The following SEMA3A variants were observed in gnomAD, a reference collection of about 807,000 sequenced individuals.
SEMA3A encodes semaphorin-3A.
In SEMA3A, 29 loss-of-function variants were observed where a neutral mutation model predicts 97.9. That is an observed-to-expected ratio of 0.30 (90% CI 0.22 to 0.40). The LOEUF is 0.40. Among genes scored for constraint, SEMA3A ranks in the 10% least tolerant of loss-of-function variants. SEMA3A has a pLI of 1.00. For synonymous variants in SEMA3A, 321 were observed against 323.7 expected, an observed-to-expected ratio of 0.99 and a Z score of 0.09; for missense variants, 763 against 951.3, an observed-to-expected ratio of 0.80 and a Z score of 2.60.
chr7:83,977,889 C>T (rs536338437), intron 14 of SEMA3A, among the ~76,000 whole-genome samples: 2 of 150,974 alleles, frequency 1.3e-5, no homozygotes, highest in South Asian at 2.1e-4. Flanking sequence ...CTGCAAGCTC[C>T]GCCTCCCGGG....
chr7:84,168,472 C>T (rs1210688914), intron 1 of SEMA3A, among the ~76,000 whole-genome samples: 1 of 151,830 alleles, frequency 6.6e-6, no homozygotes, highest in Non-Finnish European at 1.5e-5. Context: ...TGAAAAACAG[C>T]TAGGTTTCTG....
intron 12 of SEMA3A, among the ~76,000 whole-genome samples, chr7:83,999,593 T>G (rs1289334316): frequency 1.3e-5 from 2 of 152,136 alleles, no homozygotes; most frequent in Admixed American, 1.3e-4. Flanking sequence ...ATTTTTATAG[T>G]GTTCATCTCT....
At chr7:84,125,078 C>T (rs1331969728) in intron 3 of SEMA3A, among the ~76,000 whole-genome samples, 1 of 151,984 alleles carries the variant, frequency 6.6e-6, no homozygotes, top group Non-Finnish European at 1.5e-5. Context: ...GTTTTCCTTT[C>T]ACTATATAAA....
intron 1 of SEMA3A, among the ~76,000 whole-genome samples, chr7:84,456,488 C>A (rs200675398): frequency 6.6e-6 from 1 of 151,628 alleles, no homozygotes; most frequent in Non-Finnish European, 1.5e-5. Context: ...TTTGAATGGG[C>A]CAGATATCAA....
chr7:84,303,940 A>G (rs1801090381), intron 3 of SEMA3A, among the ~76,000 whole-genome samples: 1 of 152,084 alleles, frequency 6.6e-6, no homozygotes, highest in African/African-American at 2.4e-5. Flanking sequence ...TAAGTTTGGG[A>G]GTATCCATCC....
intron 2 of SEMA3A, among the ~76,000 whole-genome samples, chr7:84,322,146 C>T (rs1443139221): frequency 3.3e-5 from 5 of 151,356 alleles, no homozygotes; most frequent in African/African-American, 4.8e-5. Flanking sequence ...GGGGGAAACT[C>T]CCCCCATGAT....
chr7:83,981,628 C>T, intron 13 of SEMA3A, 150 bp from the exon 14 acceptor site: 1 of 637,290 alleles, frequency 1.6e-6, no homozygotes. Flanking sequence ...CTTTAAAGGC[C>T]TTCTAGACAA....
rs1292495371 is a variant in SEMA3A, at chr7:84,376,404, C to T, written c.-245-4504G>A. ...GATCACGAGGTCAGGAGATCGAGACCATCCTGGCTAACACAGTGAAACCCC... is the reference window on the plus strand; with the variant it reads ...GATCACGAGGTCAGGAGATCGAGACTATCCTGGCTAACACAGTGAAACCCC... On this transcript the variant is annotated intron_variant, in intron 1 of 3. Coordinates refer to the SEMA3A transcript ENST00000424555. Among the ~76,000 whole-genome samples the T allele has an allele frequency of 3.4e-5, 4 of 116,678 alleles. 1 individual carries two copies. The highest frequency in any genetic ancestry group is 7.5e-5 in the Non-Finnish European group (4 of 53,562). 76.5% of individuals were successfully genotyped at this position (116,678 alleles called of 152,430 possible).
intron 12 of SEMA3A, among the ~76,000 whole-genome samples, chr7:83,996,042 A>G (rs1786240596): frequency 6.6e-6 from 1 of 152,204 alleles, no homozygotes; most frequent in South Asian, 2.1e-4. Context: ...TACATTCAAT[A>G]GAACTATAAA....
At chr7:84,467,126 G>A (rs1241812172) in intron 1 of SEMA3A, among the ~76,000 whole-genome samples, 2 of 151,780 alleles carry the variant, frequency 1.3e-5, no homozygotes, top group Non-Finnish European at 2.9e-5. Context: ...AACCCCATAA[G>A]AGAAAAAAAA....
At chr7:84,444,705 G>A (rs536448670) in intron 1 of SEMA3A, among the ~76,000 whole-genome samples, 1 of 152,008 alleles carries the variant, frequency 6.6e-6, no homozygotes, top group South Asian at 2.1e-4. Context: ...GGGACTACAG[G>A]TGCCCGCTAC....
At chr7:84,431,118 A>T (rs983813751) in intron 1 of SEMA3A, among the ~76,000 whole-genome samples, 1 of 152,014 alleles carries the variant, frequency 6.6e-6, no homozygotes, top group African/African-American at 2.4e-5. Context: ...GAAATTTAAC[A>T]TTGATTGCTA....
chr7:84,104,286 T>C (rs1795042401), intron 4 of SEMA3A, among the ~76,000 whole-genome samples: 1 of 152,124 alleles, frequency 6.6e-6, no homozygotes, highest in African/African-American at 2.4e-5. Flanking sequence ...CAATATGGCC[T>C]TATAAAAACT....
intron 1 of SEMA3A, among the ~76,000 whole-genome samples, chr7:84,480,319 G>A (rs1329104423): frequency 1.3e-5 from 2 of 152,044 alleles, no homozygotes; most frequent in African/African-American, 4.8e-5. Context: ...GGAAGGTAAG[G>A]GACTGAAGAG....
chr7:84,240,564 A>C (rs888602495), intron 3 of SEMA3A, among the ~76,000 whole-genome samples: 6 of 152,128 alleles, frequency 3.9e-5, no homozygotes, highest in African/African-American at 1.4e-4. Context: ...GAGGCAAGGA[A>C]GAGATTATCC....
At chr7:83,991,829 C>T (rs1789955130) in intron 12 of SEMA3A, among the ~76,000 whole-genome samples, 1 of 139,744 alleles carries the variant, frequency 7.2e-6, no homozygotes, top group Non-Finnish European at 1.5e-5. Flanking sequence ...ATGATGCTGG[C>T]CTCATAAAAT....
intron 1 of SEMA3A, among the ~76,000 whole-genome samples, chr7:84,139,733 C>T (rs138242538): frequency 6.6e-4 from 100 of 152,072 alleles, no homozygotes; most frequent in African/African-American, 2.2e-3. Context: ...GATGTAGTTT[C>T]ACAAAGTAGA....
At chr7:84,408,909 G>A (rs897727828) in intron 1 of SEMA3A, among the ~76,000 whole-genome samples, 2 of 151,904 alleles carry the variant, frequency 1.3e-5, no homozygotes, top group East Asian at 1.9e-4. Flanking sequence ...TTGGGGGAGC[G>A]GGGAGGGATC....
chr7:84,121,516 C>A (rs1052302839), intron 3 of SEMA3A, among the ~76,000 whole-genome samples: 4 of 151,270 alleles, frequency 2.6e-5, no homozygotes, highest in African/African-American at 9.7e-5. Context: ...CCAGCTTCAT[C>A]CATGTCCCTA....
Sources: allele counts gnomAD v4.1 joint callset (sites outside exome capture counted in the v4.1 genomes callset), GRCh38; gene constraint gnomAD v4.1.1; transcripts MANE v1.5; gene names NCBI Gene and HGNC (gene_info 2026-07-23, HGNC 2026-07-21).